The following CLNK variants were observed in gnomAD, a reference collection of about 807,000 sequenced individuals.
The protein encoded by CLNK is cytokine-dependent hematopoietic cell linker.
In CLNK, 74 loss-of-function variants were observed where a neutral mutation model predicts 68.6. The observed-to-expected ratio is 1.08, with a 90% CI of 0.89 to 1.31. The LOEUF (loss-of-function observed/expected upper bound fraction) is 1.31. Among genes scored for constraint, CLNK ranks in the 50% most tolerant of loss-of-function variants. The pLI is 0.00. For synonymous variants in CLNK, 198 were observed against 172.2 expected (o/e 1.15, Z -1.17); for missense variants, 553 against 515.3 (o/e 1.07, Z -0.71).
At chr4:10,557,290 C>T (rs186304018) in intron 8 of CLNK, among the ~76,000 whole-genome samples, 9 of 152,126 alleles carry the variant, frequency 5.9e-5, no homozygotes, top group African/African-American at 1.4e-4. Context: ...CCCTGCTCTC[C>T]GCCTGGGGAC....
the CLNK span, among the ~76,000 whole-genome samples, chr4:10,705,657 C>T: frequency 6.6e-6 from 1 of 152,146 alleles, no homozygotes; most frequent in Non-Finnish European, 1.5e-5. Flanking sequence ...AGGACCCTTG[C>T]GATTGTATTG....
At chr4:10,690,634 T>C in the CLNK span, among the ~76,000 whole-genome samples, 1 of 152,210 alleles carries the variant, frequency 6.6e-6, no homozygotes, top group Non-Finnish European at 1.5e-5. Context: ...CCTCAATATA[T>C]GCTATAATTG....
upstream of CLNK, among the ~76,000 whole-genome samples, chr4:10,689,272 C>T (rs1166371911): frequency 6.6e-6 from 1 of 151,892 alleles, no homozygotes; most frequent in Non-Finnish European, 1.5e-5. Context: ...GTAGTTGGGA[C>T]TGCAGGCACA....
chr4:10,527,854 C>T (rs1199238205), intron 13 of CLNK, among the ~76,000 whole-genome samples: 1 of 152,122 alleles, frequency 6.6e-6, no homozygotes, highest in Non-Finnish European at 1.5e-5. Context: ...AGAAAGACAT[C>T]TGGCCTATCC....
At chr4:10,651,631 A>T (rs1230469493) in intron 2 of CLNK, among the ~76,000 whole-genome samples, 2 of 152,190 alleles carry the variant, frequency 1.3e-5, no homozygotes, top group Non-Finnish European at 2.9e-5. Context: ...ATGACCAAAG[A>T]CAAAGAGTAT....
chr4:10,642,469 G>A (rs964784380), intron 2 of CLNK, among the ~76,000 whole-genome samples: 1 of 152,194 alleles, frequency 6.6e-6, no homozygotes, highest in African/African-American at 2.4e-5. Context: ...TAGACCAGTT[G>A]GGGAGAGGAG....
intron 14 of CLNK, among the ~76,000 whole-genome samples, chr4:10,523,294 G>A (rs1198895554): frequency 6.6e-6 from 1 of 152,186 alleles, no homozygotes; most frequent in Non-Finnish European, 1.5e-5. Flanking sequence ...ACCATTGTGA[G>A]TCTGTGCTGC....
the CLNK span, among the ~76,000 whole-genome samples, chr4:10,690,365 G>C: frequency 6.6e-6 from 1 of 152,112 alleles, no homozygotes; most frequent in Non-Finnish European, 1.5e-5. Flanking sequence ...CACGGTTTCT[G>C]ACTTTGTATT....
intron 8 of CLNK, among the ~76,000 whole-genome samples, chr4:10,550,563 A>G (rs1719408856): frequency 6.6e-6 from 1 of 152,176 alleles, no homozygotes; most frequent in South Asian, 2.1e-4. Flanking sequence ...CACTTATCCT[A>G]AGGCAAAATG....
the CLNK span, among the ~76,000 whole-genome samples, chr4:10,722,820 C>T: frequency 1.4e-4 from 22 of 152,216 alleles, no homozygotes; most frequent in Admixed American, 3.9e-4. Context: ...GAGGCCGAGG[C>T]GGGTGGATCA....
the CLNK span, among the ~76,000 whole-genome samples, chr4:10,734,035 G>A: frequency 6.6e-6 from 1 of 152,084 alleles, no homozygotes; most frequent in African/African-American, 2.4e-5. Flanking sequence ...AGTGGAATAG[G>A]AGAAGACAAA....
chr4:10,532,963 G>C (rs757404252), intron 11 of CLNK, among the ~76,000 whole-genome samples: 4 of 152,076 alleles, frequency 2.6e-5, no homozygotes, highest in Admixed American at 6.6e-5. Flanking sequence ...GAAATAAAAA[G>C]TAACAAAGTT....
chr4:10,602,674 G>A (rs535227722), intron 2 of CLNK, among the ~76,000 whole-genome samples: 13 of 152,296 alleles, frequency 8.5e-5, no homozygotes, highest in Middle Eastern at 3.4e-3. Context: ...GTACGTTTAC[G>A]TTTGTGGCAA....
At chr4:10,594,510 G>A (rs1482008516) in intron 3 of CLNK, among the ~76,000 whole-genome samples, 1 of 152,204 alleles carries the variant, frequency 6.6e-6, no homozygotes, top group African/African-American at 2.4e-5. Flanking sequence ...TGGTGCAGTT[G>A]GCCAGAATCT....
intron 2 of CLNK, among the ~76,000 whole-genome samples, chr4:10,617,710 G>T (rs1272413098): frequency 6.6e-6 from 1 of 152,132 alleles, no homozygotes; most frequent in Non-Finnish European, 1.5e-5. Flanking sequence ...TGTTTTATTT[G>T]TACCATATAG....
At position 10,488,445 on chromosome 4, in the gene CLNK, C is replaced by T. The variant is rs1000334668; in HGVS notation, c.*2022G>A. 1 of 152,216 alleles carries T rather than the reference C, an allele frequency of 6.6e-6. No individual in the cohort carries two copies. Among genetic ancestry groups the T allele is most frequent in the Admixed American group, 6.5e-5 (1 of 15,288 alleles). 9.4% of individuals were successfully genotyped at this position (152,216 alleles called of 1,614,324 possible). A position where few individuals can be genotyped will look rare whatever the true frequency, so the allele number is the denominator to read the frequency against. ...TGAGCCTGGAGCTCTTCTGTAAAGT[C>T]CTTGTTTCCATACTGTCCCTGGCTT... is the stretch of plus-strand genomic sequence containing the variant. On this transcript the variant is annotated 3_prime_UTR_variant, in exon 19 of 19. Coordinates refer to ENST00000226951, the MANE Select transcript of CLNK (RefSeq NM_052964.4).
chr4:10,537,474 T>A (rs998350180), intron 11 of CLNK, among the ~76,000 whole-genome samples: 1 of 151,824 alleles, frequency 6.6e-6, no homozygotes, highest in Non-Finnish European at 1.5e-5. Context: ...CGAGATTCCA[T>A]CTCAAAAAAA....
At chr4:10,670,711 T>TAA (rs34661694) in intron 1 of CLNK, among the ~76,000 whole-genome samples, 2 of 151,476 alleles carry the variant, frequency 1.3e-5, no homozygotes, top group African/African-American at 4.8e-5. Flanking sequence ...ATAGTTTCAT[T>TAA]AAAAAAAAAT....
chr4:10,631,941 C>A (rs950441779), intron 2 of CLNK, among the ~76,000 whole-genome samples: 1 of 152,030 alleles, frequency 6.6e-6, no homozygotes, highest in African/African-American at 2.4e-5. Flanking sequence ...AAACACCTAC[C>A]CCTGTTTCTG....
Sources: allele counts gnomAD v4.1 joint callset (sites outside exome capture counted in the v4.1 genomes callset), GRCh38; gene constraint gnomAD v4.1.1; transcripts MANE v1.5; gene names NCBI Gene and HGNC (gene_info 2026-07-23, HGNC 2026-07-21).